The following LRRC9 variants were observed in gnomAD, a reference collection of about 807,000 sequenced individuals.
LRRC9 encodes the protein leucine rich repeat containing 9, also known as leucine-rich repeat-containing protein 9.
In LRRC9, 122 loss-of-function variants were observed where a neutral mutation model predicts 63.2. The ratio of observed to expected loss-of-function variants is 1.93; its 90% CI spans 1.67 to 2.24. LRRC9 has a LOEUF of 2.24. Among genes scored for constraint, LRRC9 ranks in the 30% most tolerant of loss-of-function variants. The pLI, the probability that LRRC9 is intolerant of heterozygous loss-of-function variation, is 0.00. For missense variants in LRRC9, 1,071 were observed against 627.7 expected (o/e 1.71, Z -7.55); for synonymous variants, 366 against 213.1 (o/e 1.72, Z -6.25).
chr14:59,999,322 CTT>C (rs1889127218), intron 19 of LRRC9, 96 bp downstream of exon 19: 2 of 511,504 alleles, frequency 3.9e-6, no homozygotes, highest in African/African-American at 3.9e-5. Flanking sequence ...TATAGTCCCT[CTT>C]AGCCTATTAA....
intron 17 of LRRC9, among the ~76,000 whole-genome samples, chr14:59,993,574 C>T (rs1435583529): frequency 6.6e-6 from 1 of 152,016 alleles, no homozygotes; most frequent in African/African-American, 2.4e-5. Flanking sequence ...ACCCATCTCA[C>T]GTGCAGAGAC....
chr14:59,977,979 A>T lies in LRRC9; in HGVS notation c.1763-38A>T, dbSNP rs1319743722. 8 of 675,772 alleles carry T rather than the reference A, an allele frequency of 1.2e-5. No homozygotes were observed. The Admixed American group carries it at 1.7e-4, about 14-fold the overall frequency. 41.9% of individuals were successfully genotyped at this position (675,772 alleles called of 1,614,324 possible). A position where few individuals can be genotyped will look rare whatever the true frequency, so the allele number is the denominator to read the frequency against. On this transcript the variant is annotated intron_variant, in intron 14 of 31. Coordinates refer to ENST00000445360, the Ensembl canonical transcript of LRRC9. ...TGAAAAAGTATGTTTCAATTTGAGA[A>T]AATGTGTTTGCTTTGCTTGTTTTTG...
intron 29 of LRRC9, among the ~76,000 whole-genome samples, chr14:60,052,022 A>T (rs920130323): frequency 1.3e-5 from 2 of 152,086 alleles, no homozygotes; most frequent in Admixed American, 1.3e-4. Context: ...GTCAGTCCCA[A>T]TGTGAGAACC....
rs562851431 is a variant in LRRC9, at chr14:60,031,855, C to T, written c.3922-140C>T. 2 of 580,894 alleles carry T rather than the reference C, an allele frequency of 3.4e-6. No homozygotes were observed. Among genetic ancestry groups the T allele is most frequent in the South Asian group, 4.5e-5 (2 of 44,594 alleles). 36.0% of individuals were successfully genotyped at this position (580,894 alleles called of 1,614,324 possible). On this transcript the variant is annotated intron_variant, in intron 28 of 31. Transcript: ENST00000445360. The surrounding 1 kb of genome is among the most constrained non-coding windows in gnomAD (Gnocchi z 4.6). ...TGCCTTTATTCAAGAATACAGAATA[C>T]TGTCACTCAAGCTCACTTCAGAGAA...
At position 59,927,582 on chromosome 14, in the gene LRRC9, A is replaced by G. The variant is rs993821338; in HGVS notation, c.-33-329A>G. Among the ~76,000 whole-genome samples, 3 of 152,038 alleles carry G rather than the reference A, an allele frequency of 2.0e-5. No individual in the cohort carries two copies. Among genetic ancestry groups the G allele is most frequent in the Non-Finnish European group, 4.4e-5 (3 of 67,908 alleles). ...TGAGTATATAGTGAGAGAACTAACA[A>G]CTTGAACTGGGAGTAAGATAAGAGT... is the stretch of plus-strand genomic sequence containing the variant. On this transcript the variant is annotated intron_variant, in intron 1 of 31. Coordinates refer to ENST00000445360, the Ensembl canonical transcript of LRRC9. This position sits in a 1 kb window ranked among gnomAD's most constrained non-coding sequence, Gnocchi z 4.4.
At chr14:60,007,989 T>C (rs1786467955) in intron 22 of LRRC9, 103 bp from the exon 23 acceptor site, 1 of 469,178 alleles carries the variant, frequency 2.1e-6, no homozygotes, top group Non-Finnish European at 3.7e-6. Flanking sequence ...TGAAATCCCA[T>C]GGAATGATAG....
At chr14:60,033,614 A>G (rs1194750027) in intron 29 of LRRC9, among the ~76,000 whole-genome samples, 1 of 152,132 alleles carries the variant, frequency 6.6e-6, no homozygotes, top group Non-Finnish European at 1.5e-5. Context: ...TCCTGGGATG[A>G]ATACTTCTTG....
At position 59,964,599 on chromosome 14, in the gene LRRC9, CTT is replaced by C. The variant is rs1313943697; in HGVS notation, c.1212-1988_1212-1987del. 1.3e-5 allele frequency among the ~76,000 whole-genome samples: 2 copies of C among 152,124 alleles called. No individual in the cohort carries two copies. The highest frequency in any genetic ancestry group is 4.8e-5 in the African/African-American group (2 of 41,412). Reference sequence around the variant, plus strand: ...CCCAATATCCCCTATATAGCAAAAACTTTATCTAAAACGCCTACAGCCCTAGT... The same window carrying C: ...CCCAATATCCCCTATATAGCAAAAACTATCTAAAACGCCTACAGCCCTAGT... On this transcript the variant is annotated intron_variant, in intron 10 of 31. Coordinates refer to ENST00000445360, the Ensembl canonical transcript of LRRC9. This position sits in a 1 kb window ranked among gnomAD's most constrained non-coding sequence, Gnocchi z 4.4.
chr14:59,930,629 T>C lies in LRRC9; in HGVS notation c.268-289T>C, dbSNP rs1276179103. On this transcript the variant is annotated intron_variant, in intron 3 of 31. Coordinates refer to ENST00000445360, the Ensembl canonical transcript of LRRC9. This position sits in a 1 kb window ranked among gnomAD's most constrained non-coding sequence, Gnocchi z 4.9. Reference sequence around the variant, plus strand: ...AATCATTTCTATATGATTATAATCATAACCATATAGAAATATGATATGTGA... The same window carrying C: ...AATCATTTCTATATGATTATAATCACAACCATATAGAAATATGATATGTGA... Among the ~76,000 whole-genome samples the C allele has an allele frequency of 6.6e-6, 1 of 151,770 alleles. No homozygotes were observed. Among genetic ancestry groups the C allele is most frequent in the African/African-American group, 2.4e-5 (1 of 41,404 alleles).
At chr14:60,016,730 G>A (rs1351362202) in exon 24 of LRRC9, 13 of 700,780 alleles carry the variant, frequency 1.9e-5, no homozygotes, top group South Asian at 1.0e-4. Flanking sequence ...ATTGCAGAAC[G>A]ACAAGGACAT....
rs924159403 is a variant in LRRC9 at position 59,958,393 on chromosome 14, G to A, written c.883-1425G>A. Among the ~76,000 whole-genome samples the A allele has an allele frequency of 5.9e-5, 9 of 152,036 alleles. No individual in the cohort carries two copies. The highest frequency in any genetic ancestry group is 4.1e-4 in the South Asian group (2 of 4,830). ...GTCTGACCACAGCTGCTTTGCCACC[G>A]GGCCCAGACCTCCCAAACTCCTTAG... On this transcript the variant is annotated intron_variant, in intron 8 of 31. Coordinates refer to ENST00000445360, the Ensembl canonical transcript of LRRC9. This position sits in a 1 kb window ranked among gnomAD's most constrained non-coding sequence, Gnocchi z 4.0.
intron 29 of LRRC9, among the ~76,000 whole-genome samples, chr14:60,050,159 G>A (rs1893772987): frequency 6.6e-6 from 1 of 152,008 alleles, no homozygotes; most frequent in Non-Finnish European, 1.5e-5. Flanking sequence ...ACCACGCCCA[G>A]CTAATTTTTG....
chr14:60,055,747 C>CA (rs903046262), intron 30 of LRRC9, among the ~76,000 whole-genome samples: 1 of 140,936 alleles, frequency 7.1e-6, no homozygotes, highest in African/African-American at 2.8e-5. Context: ...AAAAAAAAAA[C>CA]AAAAAAAACT....
intron 28 of LRRC9, among the ~76,000 whole-genome samples, chr14:60,028,853 G>T (rs1891761108): frequency 6.6e-6 from 1 of 152,070 alleles, no homozygotes; most frequent in Non-Finnish European, 1.5e-5. Context: ...TCAGTATATA[G>T]CATAGTACCC....
At position 60,031,640 on chromosome 14, in the gene LRRC9, A is replaced by C. The variant is rs560167512; in HGVS notation, c.3922-355A>C. ...TGTACCTTTAAAATTTTTAGATTTGATTCACCTTTTCCATACTTTCTGGTC... is the reference window on the plus strand; with the variant it reads ...TGTACCTTTAAAATTTTTAGATTTGCTTCACCTTTTCCATACTTTCTGGTC... On this transcript the variant is annotated intron_variant, in intron 28 of 31. Coordinates refer to ENST00000445360, the Ensembl canonical transcript of LRRC9. The surrounding 1 kb of genome is among the most constrained non-coding windows in gnomAD (Gnocchi z 4.6). Among the ~76,000 whole-genome samples, 126 of 152,068 alleles carry C rather than the reference A, an allele frequency of 8.3e-4. No individual in the cohort carries two copies. Among genetic ancestry groups the C allele is most frequent in the Non-Finnish European group, 1.5e-3 (105 of 67,968 alleles).
intron 28 of LRRC9, among the ~76,000 whole-genome samples, chr14:60,029,526 G>A (rs219405): frequency 0.74 from 111,936 of 151,998 alleles, 43,699 homozygotes; most frequent in Non-Finnish European, 0.87. Flanking sequence ...GATCTGCTAA[G>A]AGAATATCAT....
At chr14:60,045,895 T>C (rs573054400) in intron 29 of LRRC9, among the ~76,000 whole-genome samples, 18 of 152,132 alleles carry the variant, frequency 1.2e-4, no homozygotes, top group African/African-American at 3.6e-4. Context: ...CCACCAAGAG[T>C]GTAAAAGCTT....
Position 59,977,350 on chromosome 14 carries a change from A to ATG in LRRC9, c.1762+5_1762+6dup. On this transcript the variant is annotated splice_donor_region_variant and intron_variant, in intron 14 of 31. Coordinates refer to ENST00000445360, the Ensembl canonical transcript of LRRC9. ...CATTCCTCGGAAATATTTACTAAGT[A>ATG]TGTCTATCATAAAGATTAATGTGGT... 1.5e-6 allele frequency: 1 copy of ATG among 681,168 alleles called. No individual in the cohort carries two copies. The highest frequency in any genetic ancestry group is 2.6e-6 in the Non-Finnish European group (1 of 378,578). The allele number at this position is 681,168 out of a possible 1,614,324, so 42.2% of individuals were successfully genotyped here. A position where few individuals can be genotyped will look rare whatever the true frequency, so the allele number is the denominator to read the frequency against.
At chr14:59,987,721 C>G (rs1887639728) in intron 17 of LRRC9, among the ~76,000 whole-genome samples, 1 of 152,124 alleles carries the variant, frequency 6.6e-6, no homozygotes, top group South Asian at 2.1e-4. Flanking sequence ...ATCTTATTGT[C>G]TCACTTGTGT....
Sources: allele counts gnomAD v4.1 joint callset (sites outside exome capture counted in the v4.1 genomes callset), GRCh38; gene constraint gnomAD v4.1.1; non-coding constraint Gnocchi (gnomAD v3.1); transcripts MANE v1.5; gene names NCBI Gene and HGNC (gene_info 2026-07-23, HGNC 2026-07-21).